CDK14: variants seen among roughly 807,000 people sequenced by gnomAD.
The protein encoded by CDK14 is cyclin-dependent kinase 14.
In CDK14, 34 loss-of-function variants were observed where a neutral mutation model predicts 60.7. The ratio of observed to expected loss-of-function variants is 0.56; its 90% confidence interval spans 0.43 to 0.75. The LOEUF is 0.75. Ranked by LOEUF, CDK14 falls within the 30% of genes least tolerant of loss-of-function variation. The probability of loss-of-function intolerance (pLI) is 0.00; values close to 1 mark genes in which losing one functional copy is unlikely to be tolerated. For missense variants in CDK14, 482 were observed against 564.1 expected (o/e 0.85, Z 1.47); for synonymous variants, 197 against 203.7 (o/e 0.97, Z 0.28).
intron 2 of CDK14, among the ~76,000 whole-genome samples, chr7:90,681,022 G>A (rs1026556902): frequency 6.6e-6 from 1 of 152,184 alleles, no homozygotes; most frequent in Non-Finnish European, 1.5e-5. Context: ...GAGTTTATAT[G>A]TATTTGAAAA....
chr7:90,753,598 G>A (rs1384102274), intron 4 of CDK14, among the ~76,000 whole-genome samples: 5 of 151,988 alleles, frequency 3.3e-5, no homozygotes, highest in South Asian at 2.1e-4. Flanking sequence ...ACCCACTCTC[G>A]CCGCTCCTAT....
Position 90,910,849 on chromosome 7 carries a change from G to A in CDK14, c.703-6752G>A, listed in dbSNP as rs547144855. Among the ~76,000 whole-genome samples the A allele has an allele frequency of 2.0e-5, 3 of 152,170 alleles. No individual in the cohort carries two copies. The South Asian group carries it at 6.2e-4, about 32-fold the overall frequency. ...GTTGCATAGGTAAAGGCATGTCATG[G>A]GGGTTGGTTGTACCGATTATTTCAT... On this transcript the variant is annotated intron_variant, in intron 7 of 14. Transcript: ENST00000380050.
chr7:90,790,930 A>G (rs977712394), intron 5 of CDK14, among the ~76,000 whole-genome samples: 2 of 152,350 alleles, frequency 1.3e-5, no homozygotes, highest in East Asian at 1.9e-4. Context: ...TATGTCTGCT[A>G]TCATTTACAG....
chr7:91,058,047 G>T (rs1068288), intron 11 of CDK14, among the ~76,000 whole-genome samples: 119,070 of 151,392 alleles, frequency 0.79, 47,115 homozygotes, highest in East Asian at 0.93. Flanking sequence ...AGCATGGAAT[G>T]TTCTTCCATT....
chr7:90,983,420 C>T (rs1227944282), intron 9 of CDK14, among the ~76,000 whole-genome samples: 1 of 152,132 alleles, frequency 6.6e-6, no homozygotes, highest in Non-Finnish European at 1.5e-5. Context: ...TGGCTCATGC[C>T]TGTAGTCCCA....
intron 4 of CDK14, among the ~76,000 whole-genome samples, chr7:90,752,695 A>G (rs1298726490): frequency 2.0e-5 from 3 of 152,152 alleles, no homozygotes; most frequent in Non-Finnish European, 2.9e-5. Flanking sequence ...ACCTAAAAAT[A>G]TATTAAAAAT....
chr7:91,169,455 C>G (rs543740939), intron 14 of CDK14, among the ~76,000 whole-genome samples: 11 of 152,302 alleles, frequency 7.2e-5, no homozygotes, highest in Non-Finnish European at 1.3e-4. Context: ...TGCTACTACT[C>G]TAAAATTAAA....
At chr7:91,191,114 C>T (rs1802347763) in intron 14 of CDK14, among the ~76,000 whole-genome samples, 1 of 152,144 alleles carries the variant, frequency 6.6e-6, no homozygotes, top group South Asian at 2.1e-4. Flanking sequence ...CCACACGACC[C>T]CACTTTTCTG....
chr7:90,985,639 A>G (rs1795352820), intron 10 of CDK14, among the ~76,000 whole-genome samples: 6 of 152,292 alleles, frequency 3.9e-5, no homozygotes, highest in Admixed American at 3.3e-4. Flanking sequence ...AGGCCCCATC[A>G]CTATTGTATT....
At chr7:90,596,932 G>C (rs1799200006) in intron 1 of CDK14, among the ~76,000 whole-genome samples, 1 of 152,130 alleles carries the variant, frequency 6.6e-6, no homozygotes, top group Non-Finnish European at 1.5e-5. Flanking sequence ...TTCATTTGTA[G>C]ATTCTCTCAA....
intron 8 of CDK14, among the ~76,000 whole-genome samples, chr7:90,931,362 G>A (rs1366723148): frequency 6.6e-6 from 1 of 152,354 alleles, no homozygotes; most frequent in Admixed American, 6.5e-5. Context: ...ATTCTAGAAT[G>A]TGCAAGTTGG....
chr7:90,639,614 C>T (rs1800264529), intron 2 of CDK14, among the ~76,000 whole-genome samples: 1 of 150,150 alleles, frequency 6.7e-6, no homozygotes, highest in Non-Finnish European at 1.5e-5. Context: ...TCTGCCCGTT[C>T]TCAGATCTCC....
At chr7:90,662,813 A>G (rs140377343) in intron 2 of CDK14, among the ~76,000 whole-genome samples, 5 of 152,272 alleles carry the variant, frequency 3.3e-5, no homozygotes, top group Non-Finnish European at 7.4e-5. Context: ...CTTTTTCTCA[A>G]GAAGAACTCA....
At chr7:91,129,009 T>C (rs1800039082) in intron 14 of CDK14, among the ~76,000 whole-genome samples, 1 of 151,496 alleles carries the variant, frequency 6.6e-6, no homozygotes, top group Non-Finnish European at 1.5e-5. Context: ...ACTTTCAGTT[T>C]TGTGGGTTCT....
At chr7:90,739,888 T>TA (rs1043765174) in intron 3 of CDK14, among the ~76,000 whole-genome samples, 1 of 152,160 alleles carries the variant, frequency 6.6e-6, no homozygotes, top group Non-Finnish European at 1.5e-5. Context: ...AGGGTGATGG[T>TA]AAAGTGTGAC....
chr7:90,905,293 A>C (rs1385041811), intron 7 of CDK14, among the ~76,000 whole-genome samples: 1 of 152,192 alleles, frequency 6.6e-6, no homozygotes, highest in Non-Finnish European at 1.5e-5. Context: ...GTTTAAGTGG[A>C]CTTAAAAGAT....
intron 5 of CDK14, among the ~76,000 whole-genome samples, chr7:90,822,943 A>T (rs1474866836): frequency 1.3e-5 from 2 of 152,170 alleles, no homozygotes; most frequent in East Asian, 3.9e-4. Context: ...GCTTCCTTGT[A>T]TGTATGTTAT....
chr7:90,923,674 C>A (rs1793323117), intron 8 of CDK14, among the ~76,000 whole-genome samples: 1 of 152,146 alleles, frequency 6.6e-6, no homozygotes, highest in Non-Finnish European at 1.5e-5. Context: ...CTTTTAAATG[C>A]AGAACAAATT....
At chr7:91,184,538 T>G (rs1802110944) in intron 14 of CDK14, among the ~76,000 whole-genome samples, 1 of 152,128 alleles carries the variant, frequency 6.6e-6, no homozygotes, top group African/African-American at 2.4e-5. Context: ...AGTCAAAAGC[T>G]AGTATATCTT....
Sources: allele counts gnomAD v4.1 joint callset (sites outside exome capture counted in the v4.1 genomes callset), GRCh38; gene constraint gnomAD v4.1.1; transcripts MANE v1.5; gene names NCBI Gene and HGNC (gene_info 2026-07-23, HGNC 2026-07-21).